SETD4: variants seen among roughly 807,000 people sequenced by gnomAD.
The protein encoded by SETD4 is SET domain containing 4, also known as SET domain-containing protein 4.
SETD4 carries 46 observed loss-of-function variants against 58.3 expected under a neutral mutation model. That is an observed-to-expected ratio of 0.79 (90% CI 0.62 to 1.01). The LOEUF is 1.01. SETD4 is among the 50% of genes least tolerant of loss of function. SETD4 has a pLI of 0.00. For missense variants in SETD4, 490 were observed against 523.3 expected, an observed-to-expected ratio of 0.94 and a Z score of 0.62; for synonymous variants, 190 against 202.6, an observed-to-expected ratio of 0.94 and a Z score of 0.53.
At chr21:36,057,045 G>A in intron 3 of SETD4, 64 bp downstream of exon 3, 1 of 1,268,346 alleles carries the variant, frequency 7.9e-7, no homozygotes, top group East Asian at 2.3e-5. Flanking sequence ...CTGCAAGAGT[G>A]GCCCCTGCTG....
intron 3 of SETD4, 86 bp from the exon 4 acceptor site, chr21:36,053,706 A>C: frequency 1.5e-6 from 2 of 1,341,712 alleles, no homozygotes; most frequent in Non-Finnish European, 2.1e-6. Context: ...AAAAATGTGA[A>C]CTTCAAAATT....
In SETD4 at chr21:36,038,768, T is replaced by C. The variant is rs576316703; in HGVS notation, c.1065-495A>G. On this transcript the variant is annotated intron_variant, in intron 9 of 11. Coordinates refer to ENST00000332131, the MANE Select transcript of SETD4 (RefSeq NM_017438.5). Reference sequence around the variant, plus strand: ...AGGAGGAATCTACAGCAAGCCTCTATCCCCATGCAGGTCATTCCAGTGCTC... The same window carrying C: ...AGGAGGAATCTACAGCAAGCCTCTACCCCCATGCAGGTCATTCCAGTGCTC... Among the ~76,000 whole-genome samples the C allele has an allele frequency of 2.0e-5, 3 of 152,132 alleles. No individual in the cohort carries two copies. The East Asian group carries it at 5.8e-4, about 29-fold the overall frequency.
At chr21:36,037,621 T>C (rs906173369) in intron 10 of SETD4, among the ~76,000 whole-genome samples, 23 of 119,664 alleles carry the variant, frequency 1.9e-4, no homozygotes, top group Admixed American at 1.8e-3. Flanking sequence ...AAAAAAAAAA[T>C]AGAAAAGAAA....
chr21:36,037,888 C>T (rs1046922727), intron 10 of SETD4, among the ~76,000 whole-genome samples: 17 of 151,824 alleles, frequency 1.1e-4, no homozygotes, highest in African/African-American at 3.9e-4. Context: ...CCCAGCTACC[C>T]GGGAGGCTGA....
rs945548278 is a variant in SETD4, at chr21:36,057,891, C to CA, written c.74-688dup. ...GATCAAACAACTGGACCTCCATCAG[C>CA]AAAAAAAAAAGTGAGCTTATCGATA... On this transcript the variant is annotated intron_variant, in intron 2 of 11. Transcript: ENST00000332131. 5.6e-4 allele frequency among the ~76,000 whole-genome samples: 83 copies of CA among 146,944 alleles called. 1 individual carries two copies. In the East Asian group the frequency reaches 0.012, roughly 21 times the overall value.
rs1601222727 is a variant in SETD4, at chr21:36,044,063, C to T, written c.727-107G>A. On this transcript the variant is annotated intron_variant, in intron 6 of 11. Transcript: ENST00000332131. ...GTGAGTCAGGTGCAGCTTTCAAACACCCATCAATAAATGTAACTACGCATA... is the reference window on the plus strand; with the variant it reads ...GTGAGTCAGGTGCAGCTTTCAAACATCCATCAATAAATGTAACTACGCATA... 4.6e-6 allele frequency: 6 copies of T among 1,301,420 alleles called. No individual in the cohort carries two copies. In the East Asian group the frequency reaches 1.3e-4, roughly 27 times the overall value. The allele number at this position is 1,301,420 out of a possible 1,614,324, so 80.6% of individuals were successfully genotyped here.
At chr21:36,040,887 G>A (rs1029183184) in intron 8 of SETD4, among the ~76,000 whole-genome samples, 3 of 152,048 alleles carry the variant, frequency 2.0e-5, no homozygotes, top group Admixed American at 6.6e-5. Flanking sequence ...CTGGCCGGGC[G>A]CAGTGCCTCA....
intron 9 of SETD4, among the ~76,000 whole-genome samples, chr21:36,038,869 C>T (rs1214553651): frequency 6.6e-6 from 1 of 152,042 alleles, no homozygotes; most frequent in Non-Finnish European, 1.5e-5. Flanking sequence ...GTGGCAGGTG[C>T]AAGGGAGCCA....
At chr21:36,057,362 T>G in intron 2 of SETD4, 158 bp from the exon 3 acceptor site, 1 of 738,740 alleles carries the variant, frequency 1.4e-6, no homozygotes, top group South Asian at 1.5e-5. Flanking sequence ...AAACACAGTA[T>G]TGGCCAGGCG....
At chr21:36,048,008 AAG>A (rs2075619501) in intron 5 of SETD4, among the ~76,000 whole-genome samples, 1 of 144,498 alleles carries the variant, frequency 6.9e-6, no homozygotes, top group African/African-American at 2.5e-5. Context: ...CATCTCAAGC[AAG>A]AGAGAGAGAA....
chr21:36,058,704 C>T (rs745929352), intron 2 of SETD4, 112 bp downstream of exon 2: 6 of 1,254,498 alleles, frequency 4.8e-6, no homozygotes, highest in Middle Eastern at 2.1e-4. Flanking sequence ...GGTGACAGAG[C>T]GAGAATCCGT....
At chr21:36,038,007 A>G (rs1601191524) in intron 10 of SETD4, 143 bp downstream of exon 10, 7 of 1,047,226 alleles carry the variant, frequency 6.7e-6, no homozygotes, top group Non-Finnish European at 9.2e-6. Flanking sequence ...AAAGAAAACA[A>G]AAATAGAGAT....
At position 36,045,640 on chromosome 21, in the gene SETD4, G is replaced by A. The variant is rs375159015; in HGVS notation, c.668C>T (p.Pro223Leu). 3.6e-5 allele frequency: 58 copies of A among 1,614,018 alleles called. No homozygotes were observed. The highest frequency in any genetic ancestry group is 2.0e-4 in the South Asian group (18 of 91,088). ...GTACGGAGCGAGTGCACAGGTGTCC[G>A]GCTCTGCAGAAAGGCATTCCCGCTG... Reference protein sequence around the residue: ...PRQRECLSAEPDTCALAPYLD... With the variant: ...PRQRECLSAELDTCALAPYLD... Residue 223 changes from proline to leucine, a missense_variant, in exon 6 of 12, where the codon CCG becomes CTG. Physicochemically the swap from Pro to Leu is moderately conservative, Grantham distance 98. Coordinates refer to ENST00000332131, the MANE Select transcript of SETD4 (RefSeq NM_017438.5).
At position 36,040,637 on chromosome 21, in the gene SETD4, C is replaced by T; in HGVS notation, c.1002G>A (p.Trp334Ter). Residue 334 changes from tryptophan to a stop codon, truncating the protein, a stop_gained, in exon 9 of 12, where the codon TGG becomes TGA. Coordinates refer to ENST00000332131, the MANE Select transcript of SETD4 (RefSeq NM_017438.5). LOFTEE classifies it high-confidence loss of function. ...TGAGTAGCCTCCAAGATGGTCCATC[C>T]CATCCAAATGTCAAATTTCTGAAGT... ...HGYIENLTFG[W>*]DGPSWRLLTA... The T allele has an allele frequency of 6.2e-7, 1 of 1,613,776 alleles. No individual in the cohort carries two copies. Among genetic ancestry groups the T allele is most frequent in the Non-Finnish European group, 8.5e-7 (1 of 1,179,760 alleles).
At position 36,041,868 on chromosome 21, in the gene SETD4, G is replaced by T; in HGVS notation, c.922C>A (p.Pro308Thr). ...TTGTCCATCTGTTTATCTGTTGATG[G>T]AAGATATTTAACAAGTATTTCTATA... ...VSREILVKYL[P>T]STDKQMDKKI... Residue 308 changes from proline to threonine, a missense_variant, in exon 8 of 12, where the codon CCA (proline) becomes ACA (threonine). Physicochemically the swap from Pro to Thr is conservative, Grantham distance 38. Coordinates refer to ENST00000332131, the MANE Select transcript of SETD4 (RefSeq NM_017438.5). 1 of 1,458,090 alleles carries T rather than the reference G, an allele frequency of 6.9e-7. No homozygotes were observed. Among genetic ancestry groups the T allele is most frequent in the Non-Finnish European group, 9.3e-7 (1 of 1,076,336 alleles). 90.3% of individuals were successfully genotyped at this position (1,458,090 alleles called of 1,614,324 possible).
At position 36,045,449 on chromosome 21, in the gene SETD4, G is replaced by A. The variant is rs541533309; in HGVS notation, c.726+133C>T. 22 of 1,104,878 alleles carry A rather than the reference G, an allele frequency of 2.0e-5. 1 individual carries two copies. The South Asian group carries it at 3.4e-4, about 17-fold the overall frequency. 68.4% of individuals were successfully genotyped at this position (1,104,878 alleles called of 1,614,324 possible). On this transcript the variant is annotated intron_variant, in intron 6 of 11. Coordinates refer to ENST00000332131, the MANE Select transcript of SETD4 (RefSeq NM_017438.5). ...AACAACAGGAGCCTCCTGACGTCAG[G>A]CCAACCTGACAGGGTCACCTGAAGC...
In SETD4 at chr21:36,045,605, G is replaced by A; in HGVS notation, c.703C>T (p.Leu235=). The change falls in exon 6 of 12, where the codon CTG becomes TTG. Residue 235 remains leucine (L), a synonymous_variant. Coordinates refer to ENST00000332131, the MANE Select transcript of SETD4 (RefSeq NM_017438.5). Reference sequence around the variant, plus strand: ...ACCTGGACATGTGGGCTATGATTCAGCAGGTCCAGGTACGGAGCGAGTGCA... The same window carrying A: ...ACCTGGACATGTGGGCTATGATTCAACAGGTCCAGGTACGGAGCGAGTGCA... ...TCALAPYLDL[L]NHSPHVQVKA... The A allele has an allele frequency of 1.2e-6, 2 of 1,613,884 alleles. No individual in the cohort carries two copies. The highest frequency in any genetic ancestry group is 2.2e-5 in the East Asian group (1 of 44,868).
intron 6 of SETD4, among the ~76,000 whole-genome samples, chr21:36,044,973 C>T (rs1250236414): frequency 3.3e-5 from 5 of 152,168 alleles, no homozygotes; most frequent in African/African-American, 1.2e-4. Context: ...GGGGAGGAGG[C>T]GATCTGTGAC....
chr21:36,050,374 T>C, intron 4 of SETD4: 7 of 1,613,954 alleles, frequency 4.3e-6, no homozygotes, highest in East Asian at 2.2e-5. Flanking sequence ...GTGCTGACAA[T>C]GGAGAAAGGA....
Sources: allele counts gnomAD v4.1 joint callset (sites outside exome capture counted in the v4.1 genomes callset), GRCh38; gene constraint gnomAD v4.1.1; transcripts MANE v1.5; gene names NCBI Gene and HGNC (gene_info 2026-07-23, HGNC 2026-07-21).